The following SOX6 variants were observed in gnomAD, a reference collection of about 807,000 sequenced individuals.
The protein encoded by SOX6 is SRY-box transcription factor 6.
In SOX6, 11 loss-of-function variants were observed where a neutral mutation model predicts 97.8. The observed-to-expected ratio is 0.11, with a 90% CI of 0.07 to 0.19. The LOEUF (loss-of-function observed/expected upper bound fraction) is 0.19. SOX6 is among the 10% of genes least tolerant of loss of function. The probability of loss-of-function intolerance (pLI) is 1.00; values close to 1 mark genes in which losing one functional copy is unlikely to be tolerated. For missense variants in SOX6, 810 were observed against 1,039.5 expected (o/e 0.78, Z 3.04); for synonymous variants, 360 against 371.4 (o/e 0.97, Z 0.35).
chr11:16,306,600 T>C, intron 3 of SOX6, among the ~76,000 whole-genome samples: 1 of 149,528 alleles, frequency 6.7e-6, no homozygotes, highest in Non-Finnish European at 1.5e-5. Flanking sequence ...GATTGTTACA[T>C]CCTCAAATTT....
chr11:16,327,783 T>C (rs1480388751), intron 2 of SOX6, among the ~76,000 whole-genome samples: 2 of 151,644 alleles, frequency 1.3e-5, no homozygotes, highest in African/African-American at 2.4e-5. Context: ...AGGTCAGGAG[T>C]TGAATCTTGC....
chr11:16,094,886 T>C (rs907004641), intron 9 of SOX6, among the ~76,000 whole-genome samples: 1 of 151,978 alleles, frequency 6.6e-6, no homozygotes, highest in African/African-American at 2.4e-5. Flanking sequence ...CTTAGGCTAC[T>C]TCCAAGGGGG....
intron 6 of SOX6, among the ~76,000 whole-genome samples, chr11:16,142,438 A>G (rs900810858): frequency 1.1e-4 from 17 of 152,236 alleles, no homozygotes; most frequent in African/African-American, 4.1e-4. Flanking sequence ...TCTAAAAATC[A>G]GAGCACCTCT....
intron 14 of SOX6, among the ~76,000 whole-genome samples, chr11:15,988,426 T>A (rs753517203): frequency 1.3e-5 from 2 of 152,226 alleles, no homozygotes; most frequent in Non-Finnish European, 2.9e-5. Flanking sequence ...TTTGAACTAG[T>A]CATATCTTAT....
chr11:16,022,327 C>CTTCT (rs1469592528), intron 12 of SOX6, among the ~76,000 whole-genome samples: 1 of 116,068 alleles, frequency 8.6e-6, no homozygotes, highest in Non-Finnish European at 1.9e-5. Flanking sequence ...TCCTTCCTTC[C>CTTCT]TTCTTTCCTT....
chr11:16,674,778 C>T (rs1031957979), intron 3 of SOX6, among the ~76,000 whole-genome samples: 1 of 152,166 alleles, frequency 6.6e-6, no homozygotes, highest in Non-Finnish European at 1.5e-5. Context: ...AAGCGAAACC[C>T]TATGTCTACT....
At chr11:16,393,696 T>C (rs1052573678) in intron 1 of SOX6, among the ~76,000 whole-genome samples, 1 of 152,038 alleles carries the variant, frequency 6.6e-6, no homozygotes. Context: ...CTAAACTTCA[T>C]CCAATAAACC....
At chr11:16,455,814 T>G (rs1859800228) in intron 1 of SOX6, among the ~76,000 whole-genome samples, 2 of 152,172 alleles carry the variant, frequency 1.3e-5, no homozygotes, top group Admixed American at 6.6e-5. Flanking sequence ...CTGAATATAC[T>G]TAACTATTAT....
intron 12 of SOX6, 185 bp from the exon 13 acceptor site, chr11:16,015,235 G>A: frequency 1.6e-6 from 1 of 637,478 alleles, no homozygotes; most frequent in Non-Finnish European, 2.8e-6. Context: ...AGCACTGACA[G>A]CATCTAGACC....
intron 3 of SOX6, among the ~76,000 whole-genome samples, chr11:16,651,696 C>G (rs1173221369): frequency 1.3e-5 from 2 of 152,114 alleles, no homozygotes; most frequent in South Asian, 4.1e-4. Context: ...TGAAAGCATT[C>G]CCCCTGAGAA....
At chr11:16,101,924 T>C (rs537928340) in intron 7 of SOX6, among the ~76,000 whole-genome samples, 6 of 151,858 alleles carry the variant, frequency 4.0e-5, no homozygotes, top group East Asian at 1.9e-4. Flanking sequence ...GCGAACATTA[T>C]AGTGAATGAG....
chr11:16,413,811 C>T (rs1394672987), intron 1 of SOX6, among the ~76,000 whole-genome samples: 9 of 110,400 alleles, frequency 8.2e-5, no homozygotes, highest in African/African-American at 1.8e-4. Flanking sequence ...TGAGCCACCG[C>T]GCCCGGCCGA....
intron 6 of SOX6, among the ~76,000 whole-genome samples, chr11:16,151,205 C>T (rs897790823): frequency 2.0e-5 from 3 of 151,948 alleles, no homozygotes; most frequent in Non-Finnish European, 4.4e-5. Flanking sequence ...AGGTGTTTTG[C>T]AAGCAAACGA....
chr11:16,589,752 A>T (rs552916805), intron 4 of SOX6, among the ~76,000 whole-genome samples: 1 of 152,252 alleles, frequency 6.6e-6, no homozygotes. Context: ...TTCAGATGTT[A>T]AGCAATATGA....
chr11:16,280,464 A>G (rs761032162), intron 3 of SOX6, among the ~76,000 whole-genome samples: 9 of 151,890 alleles, frequency 5.9e-5, no homozygotes, highest in Non-Finnish European at 7.4e-5. Flanking sequence ...ACCATTCATC[A>G]TAATATAATT....
intron 1 of SOX6, chr11:16,382,516 T>C (rs1857854581): frequency 6.6e-6 from 1 of 151,858 alleles, no homozygotes; most frequent in Non-Finnish European, 1.5e-5. Flanking sequence ...TAATAAGGAG[T>C]GCTCTCTATT....
intron 9 of SOX6, among the ~76,000 whole-genome samples, chr11:16,063,462 G>A (rs754454537): frequency 8.4e-5 from 11 of 131,672 alleles, no homozygotes; most frequent in Non-Finnish European, 1.4e-4. Flanking sequence ...ATTATAATGG[G>A]TGGTGTCACG....
chr11:16,685,054 G>A (rs989473413), intron 3 of SOX6, among the ~76,000 whole-genome samples: 1 of 152,020 alleles, frequency 6.6e-6, no homozygotes, highest in African/African-American at 2.4e-5. Context: ...AGCCATGAGG[G>A]ATCTGCCCCC....
chr11:16,183,289 G>A (rs1851390498), intron 6 of SOX6, among the ~76,000 whole-genome samples: 1 of 151,514 alleles, frequency 6.6e-6, no homozygotes, highest in Admixed American at 6.6e-5. Context: ...TTTTTACATT[G>A]CCATAAGAAA....
Sources: allele counts gnomAD v4.1 joint callset (sites outside exome capture counted in the v4.1 genomes callset), GRCh38; gene constraint gnomAD v4.1.1; transcripts MANE v1.5; gene names NCBI Gene and HGNC (gene_info 2026-07-23, HGNC 2026-07-21).